Variants in CCDC73 observed in about 807,000 individuals in gnomAD.
CCDC73 encodes the protein coiled-coil domain-containing protein 73.
In CCDC73, 95 loss-of-function variants were observed where a neutral mutation model predicts 116.5. The ratio of observed to expected loss-of-function variants is 0.82; its 90% confidence interval spans 0.69 to 0.97. The LOEUF (loss-of-function observed/expected upper bound fraction) is 0.97. Ranked by LOEUF, CCDC73 falls within the 50% of genes least tolerant of loss-of-function variation. The pLI is 0.00. For missense variants in CCDC73, 1,066 were observed against 1,206.8 expected (o/e 0.88, Z 1.73); for synonymous variants, 398 against 401.3 (o/e 0.99, Z 0.10).
At chr11:32,625,189 G>C (rs1855558848) in intron 14 of CCDC73, among the ~76,000 whole-genome samples, 1 of 152,006 alleles carries the variant, frequency 6.6e-6, no homozygotes, top group Non-Finnish European at 1.5e-5. Context: ...ACGTCAGATG[G>C]GTTTCCTGAA....
rs1046966425 is a variant in CCDC73 at position 32,765,061 on chromosome 11, T to C, written c.-15-4803A>G. 5.3e-5 allele frequency among the ~76,000 whole-genome samples: 8 copies of C among 152,142 alleles called. 1 individual carries two copies. The highest frequency in any genetic ancestry group is 1.2e-4 in the Non-Finnish European group (8 of 68,026). On this transcript the variant is annotated intron_variant, in intron 1 of 17. Transcript: ENST00000335185. ...AAGGGATCAATTCAACAAGAAGAGC[T>C]AACTATCCTAAATATATATGCACCC...
chr11:32,695,337 C>T lies in CCDC73; in HGVS notation c.390+3914G>A, dbSNP rs528761876. On this transcript the variant is annotated intron_variant, in intron 6 of 17. Coordinates refer to ENST00000335185, the MANE Select transcript of CCDC73 (RefSeq NM_001008391.4). ...TGAGCCGAGATCGCGCCACTGCACT[C>T]CAGCCTGGGCAACACAGTGAGACTC... Among the ~76,000 whole-genome samples the T allele has an allele frequency of 1.5e-4, 22 of 149,710 alleles. 1 individual carries two copies. In the South Asian group the frequency reaches 3.8e-3, roughly 26 times the overall value.
chr11:32,712,095 C>T (rs964538529), intron 3 of CCDC73, among the ~76,000 whole-genome samples: 2 of 152,190 alleles, frequency 1.3e-5, no homozygotes, highest in Admixed American at 6.5e-5. Context: ...GGTTCACCTC[C>T]TATGAACTTT....
chr11:32,758,401 C>T (rs899353187), intron 2 of CCDC73: 21 of 503,226 alleles, frequency 4.2e-5, no homozygotes, highest in Non-Finnish European at 7.5e-5. Context: ...CCAAAATCTC[C>T]ACGTGGCATG....
chr11:32,691,661 T>G (rs1435097834), intron 6 of CCDC73, among the ~76,000 whole-genome samples: 1 of 152,154 alleles, frequency 6.6e-6, no homozygotes, highest in African/African-American at 2.4e-5. Context: ...GCTTGTCTTT[T>G]CATTCTCTTG....
Position 32,736,957 on chromosome 11 carries a change from CACATATACAT to C in CCDC73, c.136-18820_136-18811del, listed in dbSNP as rs1565088870. On this transcript the variant is annotated intron_variant, in intron 2 of 17. Transcript: ENST00000335185. ...GTTCTCACATATATATATATATACA[CACATATACAT>C]ATATATACATATATATGTATATATG... Among the ~76,000 whole-genome samples the C allele has an allele frequency of 6.7e-5, 10 of 149,506 alleles. No individual in the cohort carries two copies. In the Admixed American group the frequency reaches 6.7e-4, roughly 10 times the overall value.
At chr11:32,645,535 C>T (rs1024166040) in intron 12 of CCDC73, among the ~76,000 whole-genome samples, 29 of 151,912 alleles carry the variant, frequency 1.9e-4, no homozygotes, top group Admixed American at 1.7e-3. Flanking sequence ...GTGATCCGCC[C>T]GCCTTGGCCT....
intron 1 of CCDC73, among the ~76,000 whole-genome samples, chr11:32,789,458 G>A (rs1358281276): frequency 1.3e-5 from 2 of 152,088 alleles, no homozygotes; most frequent in African/African-American, 4.8e-5. Context: ...TATTCAAAAC[G>A]TAGTGATTTT....
intron 1 of CCDC73, among the ~76,000 whole-genome samples, chr11:32,773,115 T>G (rs1009554616): frequency 6.6e-6 from 1 of 152,160 alleles, no homozygotes; most frequent in Non-Finnish European, 1.5e-5. Context: ...TAATGACACA[T>G]GCAACAACAT....
At chr11:32,813,716 A>G in the CCDC73 span, among the ~76,000 whole-genome samples, 1 of 152,200 alleles carries the variant, frequency 6.6e-6, no homozygotes, top group Admixed American at 6.6e-5. Flanking sequence ...TATAAATTGT[A>G]AATTGTCCAT....
At chr11:32,772,720 T>G (rs1294793085) in intron 1 of CCDC73, among the ~76,000 whole-genome samples, 2 of 152,234 alleles carry the variant, frequency 1.3e-5, no homozygotes. Flanking sequence ...TAGGTAAGGT[T>G]ATAAAGGTGT....
intron 3 of CCDC73, among the ~76,000 whole-genome samples, chr11:32,713,248 G>T (rs1849917604): frequency 6.6e-6 from 1 of 152,088 alleles, no homozygotes; most frequent in South Asian, 2.1e-4. Context: ...CTTACCAGAG[G>T]TTAAACCAGC....
At chr11:32,732,747 T>C (rs1850090849) in intron 2 of CCDC73, among the ~76,000 whole-genome samples, 1 of 152,104 alleles carries the variant, frequency 6.6e-6, no homozygotes, top group East Asian at 1.9e-4. Flanking sequence ...CAGGCCTGCC[T>C]TACAAGAGCT....
intron 1 of CCDC73, among the ~76,000 whole-genome samples, chr11:32,765,861 C>T (rs549257358): frequency 6.6e-5 from 10 of 152,136 alleles, no homozygotes; most frequent in Non-Finnish European, 1.0e-4. Context: ...GATTCACAGC[C>T]GAATTCTACC....
At position 32,659,871 on chromosome 11, in the gene CCDC73, A is replaced by T. The variant is rs1855906731; in HGVS notation, c.646-4899T>A. ...TAGACTATTAACAAGAGGCCAATTC[A>T]GGTATTACATGGCAATTGTATCATT... On this transcript the variant is annotated intron_variant, in intron 9 of 17. Coordinates refer to ENST00000335185, the MANE Select transcript of CCDC73 (RefSeq NM_001008391.4). 2.6e-5 allele frequency among the ~76,000 whole-genome samples: 4 copies of T among 152,274 alleles called. No individual in the cohort carries two copies. In the South Asian group the frequency reaches 8.3e-4, roughly 32 times the overall value.
intron 17 of CCDC73, among the ~76,000 whole-genome samples, chr11:32,610,829 A>G (rs541405076): frequency 6.6e-6 from 1 of 152,342 alleles, no homozygotes; most frequent in East Asian, 1.9e-4. Context: ...TATTAACATA[A>G]AATTTTAAAT....
chr11:32,633,930 T>G (rs1447219101), intron 14 of CCDC73, among the ~76,000 whole-genome samples: 1 of 152,150 alleles, frequency 6.6e-6, no homozygotes, highest in Non-Finnish European at 1.5e-5. Flanking sequence ...CCAACTTTGC[T>G]AGGAGGTCTT....
intron 9 of CCDC73, among the ~76,000 whole-genome samples, chr11:32,661,894 C>A (rs1335213522): frequency 6.6e-6 from 1 of 151,708 alleles, no homozygotes; most frequent in African/African-American, 2.4e-5. Context: ...TCCATGTGTT[C>A]TCATTGTTCA....
At chr11:32,605,175 T>C (rs1287334325) in intron 17 of CCDC73, 1 of 151,414 alleles carries the variant, frequency 6.6e-6, no homozygotes, top group Non-Finnish European at 1.5e-5. Flanking sequence ...TTTTTTTTTT[T>C]TTTTTAATGA....
Sources: allele counts gnomAD v4.1 joint callset (sites outside exome capture counted in the v4.1 genomes callset), GRCh38; gene constraint gnomAD v4.1.1; transcripts MANE v1.5; gene names NCBI Gene and HGNC (gene_info 2026-07-23, HGNC 2026-07-21).